POLD1: variants seen among roughly 807,000 people sequenced by gnomAD.
POLD1 encodes the protein DNA polymerase delta 1, catalytic subunit.
In POLD1, 79 loss-of-function variants were observed where a neutral mutation model predicts 129.7. The ratio of observed to expected loss-of-function variants is 0.61; its 90% CI spans 0.51 to 0.73. The LOEUF (loss-of-function observed/expected upper bound fraction) is 0.73, where lower values mean the gene tolerates loss of function less well. Among genes scored for constraint, POLD1 ranks in the 30% least tolerant of loss-of-function variants. POLD1 has a pLI of 0.00. For missense variants in POLD1, 1,338 were observed against 1,595.8 expected (o/e 0.84, Z 2.75); for synonymous variants, 714 against 683.3 (o/e 1.04, Z -0.70).
At chr19:50,399,080 C>T (rs2122198632) in intron 2 of POLD1, 27 bp downstream of exon 2, 1 of 1,550,502 alleles carries the variant, frequency 6.4e-7, no homozygotes, top group Non-Finnish European at 8.7e-7. Context: ...GAGGTTCCTG[C>T]TGCCCAACCC....
intron 10 of POLD1, among the ~76,000 whole-genome samples, chr19:50,405,284 C>T (rs1413231683): frequency 6.6e-6 from 1 of 152,176 alleles, no homozygotes; most frequent in Non-Finnish European, 1.5e-5. Flanking sequence ...TCACTTGACC[C>T]CCTGCGAAGA....
At chr19:50,416,566 G>A (rs370217646) in intron 23 of POLD1, 38 bp downstream of exon 23, 8 of 1,547,860 alleles carry the variant, frequency 5.2e-6, no homozygotes, top group Middle Eastern at 1.8e-4. Context: ...ACCCTGGGGG[G>A]GCAGAGGAGA....
chr19:50,412,605 A>T (rs62113957), intron 17 of POLD1, among the ~76,000 whole-genome samples: 54,865 of 152,148 alleles, frequency 0.36, 10,704 homozygotes, highest in Non-Finnish European at 0.45. Flanking sequence ...ACTAAATGTA[A>T]ATGGACAAAA....
Position 50,409,691 on chromosome 19 carries a change from CA to C in POLD1, c.2154+27del. The C allele has an allele frequency of 6.3e-7, 1 of 1,578,666 alleles. No homozygotes were observed. The highest frequency in any genetic ancestry group is 1.1e-5 in the South Asian group (1 of 87,050). On this transcript the variant is annotated intron_variant, in intron 17 of 26. Transcript: ENST00000440232. This position sits in a 1 kb window ranked among gnomAD's most constrained non-coding sequence, Gnocchi z 5.8. ...GGTGGGCACTCGGGCCCCTGGAAGG[CA>C]ACTGGGGGCAGGTGGGCCCCCTGTG...
Position 50,406,619 on chromosome 19 carries a change from CTT to C in POLD1, c.1494+104_1494+105del, listed in dbSNP as rs1239948233. 1.2e-6 allele frequency: 1 copy of C among 839,346 alleles called. No homozygotes were observed. The highest frequency in any genetic ancestry group is 1.9e-6 in the Non-Finnish European group (1 of 513,346). 52.0% of individuals were successfully genotyped at this position (839,346 alleles called of 1,614,324 possible). A position where few individuals can be genotyped will look rare whatever the true frequency, so the allele number is the denominator to read the frequency against. On this transcript the variant is annotated intron_variant, in intron 12 of 26. Coordinates refer to ENST00000440232, the MANE Select transcript of POLD1 (RefSeq NM_002691.4). The surrounding 1 kb of genome is among the most constrained non-coding windows in gnomAD (Gnocchi z 5.5). ...TCACGCCCCCACGTCTGACCTCACTCTTTGACCTGCTGTTATGACCTGTGACC... is the reference window on the plus strand; with the variant it reads ...TCACGCCCCCACGTCTGACCTCACTCTGACCTGCTGTTATGACCTGTGACC...
chr19:50,415,084 C>G, intron 20 of POLD1, 94 bp downstream of exon 20: 1 of 1,216,290 alleles, frequency 8.2e-7, no homozygotes, highest in Non-Finnish European at 1.1e-6. Flanking sequence ...CCTCCTCCCT[C>G]AGACCCACGG....
In POLD1 at chr19:50,402,486, A is replaced by G. The variant is rs751557602; in HGVS notation, c.791A>G (p.Asn264Ser). The G allele has an allele frequency of 5.6e-6, 9 of 1,611,918 alleles. No individual in the cohort carries two copies. The highest frequency in any genetic ancestry group is 1.1e-5 in the South Asian group (1 of 90,632). ...GTGGACACGGACATCGTCGGCTGCAACTGGCTGGAGCTCCCAGCTGGGAAA... is the reference window on the plus strand; with the variant it reads ...GTGGACACGGACATCGTCGGCTGCAGCTGGCTGGAGCTCCCAGCTGGGAAA... ...FMVDTDIVGCNWLELPAGKYA... is the reference protein window; with the variant it reads ...FMVDTDIVGCSWLELPAGKYA... The change falls in exon 7 of 27, where the codon AAC (asparagine) becomes AGC (serine). Residue 264 changes from asparagine (N) to serine (S), a missense_variant. Physicochemically the swap from Asn to Ser is conservative, Grantham distance 46 (BLOSUM62 1). This residue lies in a region of POLD1 where 720 missense variants were observed against 1,002.6 expected (regional missense o/e 0.72). Transcript: ENST00000440232.
At chr19:50,404,710 C>T (rs2038807803) in intron 10 of POLD1, among the ~76,000 whole-genome samples, 1 of 151,350 alleles carries the variant, frequency 6.6e-6, no homozygotes, top group African/African-American at 2.4e-5. Flanking sequence ...TCCCAAGTAG[C>T]TGGGATTACA....
chr19:50,413,325 T>C (rs1288887894), intron 17 of POLD1, 101 bp from the exon 18 acceptor site: 6 of 939,248 alleles, frequency 6.4e-6, no homozygotes, highest in Non-Finnish European at 9.9e-6. Flanking sequence ...CATAAGCCTA[T>C]GCCACTGGGA....
In POLD1 at chr19:50,409,031, C is replaced by T. The variant is rs1264243865; in HGVS notation, c.1893-91C>T. On this transcript the variant is annotated intron_variant, in intron 15 of 26. Transcript: ENST00000440232. This position sits in a 1 kb window ranked among gnomAD's most constrained non-coding sequence, Gnocchi z 5.8. ...AGTGGAGGGGTGCTTGAGGGGCCTG[C>T]GTGTGCTCATGGCCAAGGCCAGGAC... 3 of 1,313,130 alleles carry T rather than the reference C, an allele frequency of 2.3e-6. No individual in the cohort carries two copies. The highest frequency in any genetic ancestry group is 1.8e-5 in the Admixed American group (1 of 57,028). 81.3% of individuals were successfully genotyped at this position (1,313,130 alleles called of 1,614,324 possible).
At chr19:50,402,980 G>A in intron 8 of POLD1, 73 bp from the exon 9 acceptor site, 2 of 1,517,602 alleles carry the variant, frequency 1.3e-6, no homozygotes, top group Non-Finnish European at 1.8e-6. Context: ...CCGGGGAGAT[G>A]GCAGGTGCAG....
intron 22 of POLD1, 32 bp downstream of exon 22, chr19:50,415,858 A>G (rs1347295014): frequency 7.2e-7 from 1 of 1,383,476 alleles, no homozygotes; most frequent in Non-Finnish European, 9.7e-7. Flanking sequence ...GCTCCCGCCC[A>G]GCCCCCTCGC....
In POLD1 at chr19:50,414,926, A is replaced by C. The variant is rs2039220477; in HGVS notation, c.2500A>C (p.Arg834=). The stretch of plus-strand genomic sequence containing the variant: ...CTGCAAGGGCCTGGAGGCCGTGCGC[A>C]GGGACAACTGCCCCCTCGTGGCCAA... ...MDCKGLEAVR[R]DNCPLVANLV... The change falls in exon 20 of 27, where the codon AGG becomes CGG. Residue 834 remains arginine, a synonymous_variant. Coordinates refer to ENST00000440232, the MANE Select transcript of POLD1 (RefSeq NM_002691.4). 6.2e-7 allele frequency: 1 copy of C among 1,610,088 alleles called. No individual in the cohort carries two copies. The highest frequency in any genetic ancestry group is 8.5e-7 in the Non-Finnish European group (1 of 1,177,526).
chr19:50,407,543 TTTTATTTTTA>T lies in POLD1; in HGVS notation c.1775+142_1775+151del, dbSNP rs367601992. ...GCGAGGCCCCTGCTCCACAAAATTT[TTTTATTTTTA>T]TTTATTTTTATTTTTATTTTTTTGA... On this transcript the variant is annotated intron_variant, in intron 14 of 26. Transcript: ENST00000440232. 1,505 of 423,394 alleles carry T rather than the reference TTTTATTTTTA, an allele frequency of 3.6e-3. 24 individuals are homozygous for T. Among genetic ancestry groups the T allele is most frequent in the African/African-American group, 0.029 (1,390 of 48,750 alleles). 26.2% of individuals were successfully genotyped at this position (423,394 alleles called of 1,614,324 possible). A position where few individuals can be genotyped will look rare whatever the true frequency, so the allele number is the denominator to read the frequency against.
At chr19:50,385,427 TGAGTGGGCAGGGTTTAGAGCGGAGCCAG>T (rs1264245697) in intron 1 of POLD1, among the ~76,000 whole-genome samples, 11 of 150,528 alleles carry the variant, frequency 7.3e-5, no homozygotes, top group African/African-American at 2.7e-4. Flanking sequence ...AGTGGGGGAG[TGAGTGGGCAGGGTTTAGAGCGGAGCCAG>T]GAGTGGGCAG....
chr19:50,398,872 A>G lies in POLD1; in HGVS notation c.21A>G (p.Pro7=), dbSNP rs1601188517. The G allele has an allele frequency of 6.2e-7, 1 of 1,608,520 alleles. No individual in the cohort carries two copies. Among genetic ancestry groups the G allele is most frequent in the Non-Finnish European group, 8.5e-7 (1 of 1,178,880 alleles). ...GCAGGATGGATGGCAAGCGGCGGCC[A>G]GGCCCAGGGCCCGGGGTGCCCCCAA... MDGKRR[P]GPGPGVPPKR... Residue 7 remains proline (P), a synonymous_variant, in exon 2 of 27, where the codon CCA becomes CCG. Transcript: ENST00000440232.
intron 2 of POLD1, 144 bp downstream of exon 2, chr19:50,399,197 C>T: frequency 2.3e-6 from 3 of 1,326,702 alleles, no homozygotes; most frequent in South Asian, 1.3e-5. Flanking sequence ...CCACCCCGTG[C>T]AGCCTGTGTG....
intron 1 of POLD1, among the ~76,000 whole-genome samples, chr19:50,397,209 G>A (rs1482525734): frequency 2.0e-5 from 3 of 151,774 alleles, no homozygotes; most frequent in Non-Finnish European, 2.9e-5. Context: ...GACCAGCCTG[G>A]CCAACATGGT....
At chr19:50,398,658 T>C (rs1255438693) in intron 1 of POLD1, among the ~76,000 whole-genome samples, 193 bp from the exon 2 acceptor site, 1 of 150,978 alleles carries the variant, frequency 6.6e-6, no homozygotes. Context: ...GGGCTGCTGC[T>C]GCAGTAGCTA....
Sources: gnomAD v4.1 joint callset for allele counts (sites outside exome capture counted in the v4.1 genomes callset) on GRCh38, gnomAD v4.1.1 for gene constraint, gnomAD v4.1.1 regional missense constraint, Gnocchi (gnomAD v3.1) non-coding constraint, MANE v1.5 for transcripts, NCBI Gene and HGNC (gene_info 2026-07-23, HGNC 2026-07-21) for gene names.